FSCN3: variants seen among roughly 807,000 people sequenced by gnomAD.
FSCN3 encodes the protein fascin actin-bundling protein 3, also known as fascin-3.
In FSCN3, 43 loss-of-function variants were observed where a neutral mutation model predicts 53.5. The ratio of observed to expected loss-of-function variants is 0.80; its 90% CI spans 0.63 to 1.04. The LOEUF is 1.04. Ranked by LOEUF, FSCN3 falls within the 50% of genes least tolerant of loss-of-function variation. FSCN3 has a pLI of 0.00. For synonymous variants in FSCN3, 235 were observed against 246.6 expected, an observed-to-expected ratio of 0.95 and a Z score of 0.44; for missense variants, 594 against 646.5, an observed-to-expected ratio of 0.92 and a Z score of 0.88.
intron 3 of FSCN3, 24 bp from the exon 4 acceptor site, chr7:127,598,409 ATC>A (rs1562956477): frequency 6.2e-7 from 1 of 1,609,138 alleles, no homozygotes; most frequent in Non-Finnish European, 8.5e-7. Flanking sequence ...CTTACTCCTC[ATC>A]TCTGTTTCTG....
Position 127,595,827 on chromosome 7 carries a change from GA to G in FSCN3, c.666del (p.Val225TrpfsTer27). On this transcript the variant is annotated frameshift_variant, in exon 2 of 7. Coordinates refer to ENST00000265825, the MANE Select transcript of FSCN3 (RefSeq NM_020369.3). LOFTEE classifies it high-confidence loss of function. ...QTAFHMQVRP[G>X]GLVALCDGEG... is the part of the protein sequence containing the mutation. ...GCTTTTCACATGCAAGTGCGGCCTGGAGGGCTTGTGGCACTGTGTGATGGAG... is the reference window on the plus strand; with the variant it reads ...GCTTTTCACATGCAAGTGCGGCCTGGGGGCTTGTGGCACTGTGTGATGGAG... 6.2e-7 allele frequency: 1 copy of G among 1,613,646 alleles called. No individual in the cohort carries two copies. Among genetic ancestry groups the G allele is most frequent in the Non-Finnish European group, 8.5e-7 (1 of 1,179,728 alleles).
rs747458889 is a variant in FSCN3 at position 127,598,438 on chromosome 7, C to A, written c.964C>A (p.Arg322Ser). ...CTGTTTCTGACATTCTTTCCAGAGGCGCCACAGGGCAGTAATGGCTGATGG... is the reference window on the plus strand; with the variant it reads ...CTGTTTCTGACATTCTTTCCAGAGGAGCCACAGGGCAGTAATGGCTGATGG... ...SANGYYLSQR[R>S]HRAVMADGHP... Residue 322 changes from arginine (R) to serine (S), a missense_variant, in exon 4 of 7, where the codon CGC becomes AGC. Arg to Ser is a moderately radical substitution (Grantham distance 110). Transcript: ENST00000265825. The A allele has an allele frequency of 6.2e-7, 1 of 1,613,286 alleles. No homozygotes were observed. The highest frequency in any genetic ancestry group is 2.2e-5 in the East Asian group (1 of 44,868).
intron 1 of FSCN3, chr7:127,594,925 T>C (rs1794361117): frequency 4.2e-6 from 2 of 476,468 alleles, no homozygotes; most frequent in Admixed American, 2.4e-5. Context: ...ATTGGCTAAG[T>C]GTGCTCTCTG....
chr7:127,600,786 T>C (rs978047322), intron 6 of FSCN3, among the ~76,000 whole-genome samples: 1 of 152,212 alleles, frequency 6.6e-6, no homozygotes, highest in Non-Finnish European at 1.5e-5. Context: ...GTGCTTTCTA[T>C]CCTTTGCACC....
At chr7:127,597,175 T>C (rs942954599) in intron 3 of FSCN3, among the ~76,000 whole-genome samples, 10 of 152,386 alleles carry the variant, frequency 6.6e-5, no homozygotes, top group African/African-American at 2.4e-4. Flanking sequence ...ATAAAGTTGC[T>C]ATAAGCATTC....
intron 1 of FSCN3, among the ~76,000 whole-genome samples, 163 bp downstream of exon 1, chr7:127,594,160 CTGTGTGTGTGTGTGTGTGTGTG>C (rs749215425): frequency 2.2e-3 from 197 of 89,238 alleles, no homozygotes; most frequent in African/African-American, 8.0e-3. Flanking sequence ...AGTGGCCAAG[CTGTGTGTGTGTGTGTGTGTGTG>C]TGTGTGTGTG....
intron 1 of FSCN3, among the ~76,000 whole-genome samples, chr7:127,594,300 AAGC>A (rs2308065): frequency 0.35 from 49,773 of 143,630 alleles, 9,869 homozygotes; most frequent in East Asian, 0.75. Context: ...CTGTATATGA[AAGC>A]AGGGTGTACT....
rs373578266 is a variant in FSCN3, at chr7:127,596,784, T to C, written c.960+338T>C. 1.4e-4 allele frequency among the ~76,000 whole-genome samples: 21 copies of C among 152,346 alleles called. No individual in the cohort carries two copies. In the South Asian group the frequency reaches 4.3e-3, roughly 32 times the overall value. On this transcript the variant is annotated intron_variant, in intron 3 of 6. Coordinates refer to ENST00000265825, the MANE Select transcript of FSCN3 (RefSeq NM_020369.3). ...AAGTTTTGACAAATGTATCCATCCA[T>C]GCAACCATGCCGTAAGCATATCACA... is the stretch of plus-strand genomic sequence containing the variant.
chr7:127,593,867 A>C lies in FSCN3; in HGVS notation c.14A>C (p.Glu5Ala), dbSNP rs1562955058. The C allele has an allele frequency of 6.4e-7, 1 of 1,570,616 alleles. No homozygotes were observed. Among genetic ancestry groups the C allele is most frequent in the Non-Finnish European group, 8.6e-7 (1 of 1,157,602 alleles). Residue 5 changes from glutamate to alanine, a missense_variant, in exon 1 of 7, where the codon GAG (glutamate) becomes GCG (alanine). Coordinates refer to ENST00000265825, the MANE Select transcript of FSCN3 (RefSeq NM_020369.3). ...GGTGTCAGCCCCATGGATGAGACAGAGTGGATACACAGACATCCCAAGGCT... is the reference window on the plus strand; with the variant it reads ...GGTGTCAGCCCCATGGATGAGACAGCGTGGATACACAGACATCCCAAGGCT... MDETEWIHRHPKAED... is the reference protein window; with the variant it reads MDETAWIHRHPKAED...
In FSCN3 at chr7:127,594,083, A is replaced by AGT. The variant is rs781066193; in HGVS notation, c.144+89_144+90dup. 1,144 of 1,402,708 alleles carry AGT rather than the reference A, an allele frequency of 8.2e-4. 16 individuals carry two copies. Among genetic ancestry groups the AGT allele is most frequent in the African/African-American group, 2.7e-3 (158 of 58,864 alleles). 86.9% of individuals were successfully genotyped at this position (1,402,708 alleles called of 1,614,324 possible). A position where few individuals can be genotyped will look rare whatever the true frequency, so the allele number is the denominator to read the frequency against. On this transcript the variant is annotated intron_variant, in intron 1 of 6. Transcript: ENST00000265825. Reference sequence around the variant, plus strand: ...GTGCGCGCGCGCGTGTGTGTGCGTGAGTGTATGTGTGTGTGTGTGTGTATG... The same window carrying AGT: ...GTGCGCGCGCGCGTGTGTGTGCGTGAGTGTGTATGTGTGTGTGTGTGTGTATG...
chr7:127,600,437 A>C, intron 6 of FSCN3, 38 bp downstream of exon 6: 1 of 1,276,416 alleles, frequency 7.8e-7, no homozygotes, highest in Middle Eastern at 2.1e-4. Context: ...AGGGGAGCAG[A>C]AGCCATGGGG....
At chr7:127,594,766 C>T (rs1338096432) in intron 1 of FSCN3, 6 of 471,228 alleles carry the variant, frequency 1.3e-5, no homozygotes, top group Non-Finnish European at 2.6e-5. Context: ...CAAAGTTCTT[C>T]CTCTTATAAC....
chr7:127,600,714 T>A (rs1012130299), intron 6 of FSCN3, among the ~76,000 whole-genome samples: 1 of 152,104 alleles, frequency 6.6e-6, no homozygotes, highest in Non-Finnish European at 1.5e-5. Context: ...AGATGCAGAA[T>A]TTCACTCTAT....
At chr7:127,594,160 C>CTCTG (rs1794342228) in intron 1 of FSCN3, among the ~76,000 whole-genome samples, 163 bp downstream of exon 1, 1 of 89,206 alleles carries the variant, frequency 1.1e-5, no homozygotes, top group Non-Finnish European at 2.2e-5. Flanking sequence ...AGTGGCCAAG[C>CTCTG]TGTGTGTGTG....
Position 127,598,540 on chromosome 7 carries a change from C to T in FSCN3, c.1066C>T (p.Arg356Cys), listed in dbSNP as rs149091891. ...GATCATCCTGCAGTCCTGCAGGGGG[C>T]GCTTCCTGGGCATTGCACCCAACAG... is the stretch of plus-strand genomic sequence containing the variant. ...GRIILQSCRG[R>C]FLGIAPNSLL... The change falls in exon 4 of 7, where the codon CGC becomes TGC. Residue 356 changes from arginine (R) to cysteine (C), a missense_variant. Transcript: ENST00000265825. The T allele has an allele frequency of 1.0e-3, 1,673 of 1,613,554 alleles. 21 individuals carry two copies. In the South Asian group the frequency reaches 0.014, roughly 13 times the overall value.
At chr7:127,599,080 T>C (rs1343164910) in intron 4 of FSCN3, among the ~76,000 whole-genome samples, 2 of 152,196 alleles carry the variant, frequency 1.3e-5, no homozygotes, top group East Asian at 1.9e-4. Flanking sequence ...TTTTGTCGTC[T>C]ATAAAAATGA....
chr7:127,600,239 G>A lies in FSCN3; in HGVS notation c.1337G>A (p.Arg446His), dbSNP rs758665140. ...TCAATAACATCCTTTGGCACCTTTC[G>A]CCCTTGGGGCAAGTTTGCCCTCAAC... is the stretch of plus-strand genomic sequence containing the variant. ...FWSITSFGTF[R>H]PWGKFALNFC... Residue 446 changes from arginine to histidine, a missense_variant, in exon 6 of 7, where the codon CGC (arginine) becomes CAC (histidine). Coordinates refer to ENST00000265825, the MANE Select transcript of FSCN3 (RefSeq NM_020369.3). 13 of 1,610,972 alleles carry A rather than the reference G, an allele frequency of 8.1e-6. No homozygotes were observed. Among genetic ancestry groups the A allele is most frequent in the East Asian group, 2.2e-5 (1 of 44,872 alleles).
chr7:127,596,555 G>C, intron 3 of FSCN3, 109 bp downstream of exon 3: 1 of 525,472 alleles, frequency 1.9e-6, no homozygotes, highest in Middle Eastern at 2.9e-4. Context: ...TGTGGGCTGT[G>C]GAGGCACTTG....
rs201860992 is a variant in FSCN3 at position 127,595,464 on chromosome 7, G to A, written c.302G>A (p.Arg101Gln). Residue 101 changes from arginine to glutamine, a missense_variant, in exon 2 of 7, where the codon CGG becomes CAG. Physicochemically the swap from Arg to Gln is conservative, Grantham distance 43 (BLOSUM62 1). Transcript: ENST00000265825. Reference sequence around the variant, plus strand: ...GGGTGCTTTCTACTGCGTTTCCACCGGAACAGCAAGTGGACCCTCCAGTGC... The same window carrying A: ...GGGTGCTTTCTACTGCGTTTCCACCAGAACAGCAAGTGGACCCTCCAGTGC... ...HHGCFLLRFH[R>Q]NSKWTLQCLI... is the part of the protein sequence containing the mutation. 54 of 1,614,148 alleles carry A rather than the reference G, an allele frequency of 3.3e-5. No individual in the cohort carries two copies. Among genetic ancestry groups the A allele is most frequent in the African/African-American group, 1.9e-4 (14 of 75,024 alleles).
Sources: allele counts gnomAD v4.1 joint callset (sites outside exome capture counted in the v4.1 genomes callset), GRCh38; gene constraint gnomAD v4.1.1; transcripts MANE v1.5; gene names NCBI Gene and HGNC (gene_info 2026-07-23, HGNC 2026-07-21).